Variants in ULK4 observed in about 807,000 individuals in gnomAD.
ULK4 encodes the protein inactive serine/threonine-protein kinase ULK4.
In ULK4, 133 loss-of-function variants were observed where a neutral mutation model predicts 160.6. The observed-to-expected ratio is 0.83, with a 90% CI of 0.72 to 0.96. ULK4 has a LOEUF of 0.96. ULK4 is among the 40% of genes least tolerant of loss of function. The probability of loss-of-function intolerance (pLI) is 0.00; values close to 1 mark genes in which losing one functional copy is unlikely to be tolerated. For synonymous variants in ULK4, 534 were observed against 539.8 expected (o/e 0.99, Z 0.15); for missense variants, 1,580 against 1,499.5 (o/e 1.05, Z -0.89).
intron 15 of ULK4, 111 bp downstream of exon 15, chr3:41,896,711 G>A (rs1454153081): frequency 1.5e-5 from 18 of 1,228,320 alleles, no homozygotes; most frequent in South Asian, 3.5e-5. Context: ...ACCTAAAATC[G>A]TGATAAATCA....
intron 35 of ULK4, among the ~76,000 whole-genome samples, chr3:41,378,040 A>C (rs2081549030): frequency 6.6e-6 from 1 of 151,912 alleles, no homozygotes; most frequent in South Asian, 2.1e-4. Context: ...AATACTATGC[A>C]GCCATAAAAA....
chr3:41,716,595 G>T (rs1054347473), intron 23 of ULK4, among the ~76,000 whole-genome samples: 3 of 152,146 alleles, frequency 2.0e-5, no homozygotes, highest in Non-Finnish European at 2.9e-5. Context: ...CTGTCAGTTA[G>T]CCTTGAAGAC....
At chr3:41,696,069 G>A (rs904945813) in intron 27 of ULK4, among the ~76,000 whole-genome samples, 1 of 152,116 alleles carries the variant, frequency 6.6e-6, no homozygotes, top group Admixed American at 6.5e-5. Flanking sequence ...TCAGTGTCAA[G>A]GAAAAACACC....
At chr3:41,689,661 A>G (rs1046117084) in intron 27 of ULK4, among the ~76,000 whole-genome samples, 9 of 152,380 alleles carry the variant, frequency 5.9e-5, no homozygotes, top group Admixed American at 5.2e-4. Context: ...AAAAGAAGAC[A>G]TTTATGCAGC....
chr3:41,506,947 C>T (rs2085414812), intron 32 of ULK4, among the ~76,000 whole-genome samples: 1 of 149,470 alleles, frequency 6.7e-6, no homozygotes, highest in African/African-American at 2.4e-5. Context: ...CGACTCAAGA[C>T]AGCCAGAGTG....
At chr3:41,646,103 G>T (rs554713520) in intron 30 of ULK4, among the ~76,000 whole-genome samples, 9 of 152,224 alleles carry the variant, frequency 5.9e-5, no homozygotes, top group African/African-American at 2.2e-4. Context: ...CATGAGATGG[G>T]TCTCCTGAAT....
intron 27 of ULK4, among the ~76,000 whole-genome samples, chr3:41,694,840 T>C (rs546264158): frequency 1.3e-5 from 2 of 152,334 alleles, no homozygotes; most frequent in Non-Finnish European, 2.9e-5. Context: ...TGCTGTTGGT[T>C]GAATCCAAGG....
intron 5 of ULK4, among the ~76,000 whole-genome samples, chr3:41,921,219 T>C (rs1346082682): frequency 6.7e-6 from 1 of 150,366 alleles, no homozygotes; most frequent in African/African-American, 2.5e-5. Context: ...GGCTGAGGCA[T>C]GAGAATCACT....
chr3:41,644,594 C>G (rs1029595128), intron 30 of ULK4, among the ~76,000 whole-genome samples: 4 of 152,136 alleles, frequency 2.6e-5, no homozygotes, highest in African/African-American at 9.7e-5. Flanking sequence ...ATTCGGTTTG[C>G]CAGTATTTTA....
At chr3:41,860,945 G>T (rs1004255380) in intron 17 of ULK4, among the ~76,000 whole-genome samples, 4 of 151,788 alleles carry the variant, frequency 2.6e-5, no homozygotes, top group African/African-American at 9.7e-5. Flanking sequence ...TGAGGCTTGC[G>T]AATACTATCT....
chr3:41,938,400 G>A (rs137897004), intron 2 of ULK4, among the ~76,000 whole-genome samples: 6 of 152,224 alleles, frequency 3.9e-5, no homozygotes, highest in African/African-American at 1.4e-4. Context: ...TTTTCTGGCG[G>A]TGCAAGATGG....
chr3:41,890,042 C>A (rs948324040), intron 16 of ULK4, among the ~76,000 whole-genome samples: 1 of 152,146 alleles, frequency 6.6e-6, no homozygotes, highest in Non-Finnish European at 1.5e-5. Context: ...TATGAAATAT[C>A]AAAAATAGGC....
At chr3:41,821,604 T>C (rs1286113454) in intron 18 of ULK4, among the ~76,000 whole-genome samples, 2 of 152,226 alleles carry the variant, frequency 1.3e-5, no homozygotes, top group Non-Finnish European at 2.9e-5. Flanking sequence ...CATTAGCTAA[T>C]GGACTATCCC....
intron 29 of ULK4, among the ~76,000 whole-genome samples, chr3:41,667,105 G>A (rs2035372496): frequency 6.6e-6 from 1 of 151,864 alleles, no homozygotes; most frequent in Non-Finnish European, 1.5e-5. Context: ...AGTGAGCTAC[G>A]ATGGCACCAG....
intron 21 of ULK4, among the ~76,000 whole-genome samples, chr3:41,776,692 G>C (rs573505768): frequency 4.4e-5 from 5 of 112,874 alleles, no homozygotes; most frequent in South Asian, 2.8e-4. Flanking sequence ...TGTGGTTTTT[G>C]TCTTTGGCTC....
At chr3:41,545,276 G>A (rs896506009) in intron 32 of ULK4, among the ~76,000 whole-genome samples, 1 of 151,990 alleles carries the variant, frequency 6.6e-6, no homozygotes. Flanking sequence ...TTTTCATCTG[G>A]TATCTCTTCC....
At chr3:41,617,503 A>AC (rs200609867) in intron 30 of ULK4, among the ~76,000 whole-genome samples, 9,585 of 152,266 alleles carry the variant, frequency 0.063, 439 homozygotes, top group African/African-American at 0.13. Context: ...CCTCCAGCAA[A>AC]CTGCAGTAGA....
chr3:41,534,530 A>AAAT (rs5848603), intron 32 of ULK4, among the ~76,000 whole-genome samples: 1 of 150,762 alleles, frequency 6.6e-6, no homozygotes, highest in African/African-American at 2.4e-5. Flanking sequence ...AAAAAAAAAA[A>AAAT]CTAAACTACA....
chr3:41,918,674 T>C, intron 6 of ULK4, 134 bp from the exon 7 acceptor site: 1 of 460,184 alleles, frequency 2.2e-6, no homozygotes, highest in South Asian at 2.9e-5. Context: ...CAATCTCGGC[T>C]CACTGCACAC....
Sources: allele counts gnomAD v4.1 joint callset (sites outside exome capture counted in the v4.1 genomes callset), GRCh38; gene constraint gnomAD v4.1.1; transcripts MANE v1.5; gene names NCBI Gene and HGNC (gene_info 2026-07-23, HGNC 2026-07-21).